GLIS3: variants seen among roughly 807,000 people sequenced by gnomAD.
GLIS3 encodes zinc finger protein GLIS3.
A neutral mutation model predicts 78.6 loss-of-function variants in GLIS3; 53 were observed. The observed-to-expected ratio is 0.67, with a 90% confidence interval of 0.54 to 0.85. The LOEUF (loss-of-function observed/expected upper bound fraction) is 0.85. Ranked by LOEUF, GLIS3 falls within the 40% of genes least tolerant of loss-of-function variation. The pLI is 0.00. For missense variants in GLIS3, 1,703 were observed against 1,231.1 expected (o/e 1.38, Z -5.74); for synonymous variants, 684 against 509.9 (o/e 1.34, Z -4.60).
intron 2 of GLIS3, among the ~76,000 whole-genome samples, chr9:4,214,423 G>C (rs183349392): frequency 6.6e-6 from 1 of 152,114 alleles, no homozygotes; most frequent in Non-Finnish European, 1.5e-5. Context: ...TATCTCCATC[G>C]GCACGTATGT....
chr9:4,226,441 A>C (rs1355386680), intron 2 of GLIS3, among the ~76,000 whole-genome samples: 1 of 152,172 alleles, frequency 6.6e-6, no homozygotes, highest in Non-Finnish European at 1.5e-5. Context: ...TGAAACTCAA[A>C]CAGAAAGACG....
the GLIS3 span, among the ~76,000 whole-genome samples, chr9:4,362,980 G>A: frequency 6.6e-6 from 1 of 152,056 alleles, no homozygotes; most frequent in Non-Finnish European, 1.5e-5. Context: ...GATAGAGGCA[G>A]AAGAAAAAGA....
At chr9:4,381,113 G>A in the GLIS3 span, among the ~76,000 whole-genome samples, 1 of 152,120 alleles carries the variant, frequency 6.6e-6, no homozygotes. Context: ...AGGAGAGGAA[G>A]AACCAAGTAA....
chr9:4,389,002 G>A, the GLIS3 span, among the ~76,000 whole-genome samples: 4 of 152,140 alleles, frequency 2.6e-5, no homozygotes, highest in South Asian at 2.1e-4. Context: ...GATTTTAAGG[G>A]GATTCTATAT....
chr9:4,344,601 T>C (rs1187355819), intron 2 of GLIS3, among the ~76,000 whole-genome samples: 1 of 152,222 alleles, frequency 6.6e-6, no homozygotes, highest in Non-Finnish European at 1.5e-5. Flanking sequence ...ATATCATCTA[T>C]GCTAATAACT....
intron 4 of GLIS3, among the ~76,000 whole-genome samples, chr9:4,034,051 A>G (rs762146044): frequency 6.6e-6 from 1 of 151,446 alleles, no homozygotes; most frequent in Non-Finnish European, 1.5e-5. Context: ...GTGAGACCCC[A>G]TTTCTATTAA....
At chr9:4,302,858 A>G (rs1480539941), upstream of GLIS3, among the ~76,000 whole-genome samples, 1 of 152,236 alleles carries the variant, frequency 6.6e-6, no homozygotes, top group Non-Finnish European at 1.5e-5. Context: ...AATTTCCTGC[A>G]ATGTGACATG....
chr9:3,909,333 C>T (rs1464911255), intron 6 of GLIS3, among the ~76,000 whole-genome samples: 1 of 152,202 alleles, frequency 6.6e-6, no homozygotes, highest in East Asian at 1.9e-4. Flanking sequence ...TTCCTTAGCA[C>T]TGACATGTAG....
intron 2 of GLIS3, among the ~76,000 whole-genome samples, chr9:4,237,481 C>G (rs1442039425): frequency 6.6e-6 from 1 of 152,166 alleles, no homozygotes; most frequent in Non-Finnish European, 1.5e-5. Flanking sequence ...GATGAAATCG[C>G]TACTTCAGGC....
chr9:3,854,703 ATTT>A lies in GLIS3; in HGVS notation c.2473+1303_2473+1305del, dbSNP rs34986459. ...AAGCGCCCGCCGTCACGCCTGGCTAATTTTTTTTTTTTTTGTATTTTTAGTAGA... is the reference window on the plus strand; with the variant it reads ...AAGCGCCCGCCGTCACGCCTGGCTAATTTTTTTTTTTGTATTTTTAGTAGA... On this transcript the variant is annotated intron_variant, in intron 9 of 10. Coordinates refer to ENST00000381971, the MANE Select transcript of GLIS3 (RefSeq NM_001042413.2). 4.3e-3 allele frequency among the ~76,000 whole-genome samples: 643 copies of A among 147,884 alleles called. 7 individuals carry two copies. Among genetic ancestry groups the A allele is most frequent in the African/African-American group, 0.014 (566 of 40,116 alleles).
chr9:4,210,616 A>G (rs1820292929), intron 2 of GLIS3, among the ~76,000 whole-genome samples: 1 of 152,256 alleles, frequency 6.6e-6, no homozygotes, highest in Non-Finnish European at 1.5e-5. Context: ...ACAATGCAGA[A>G]AACTTAAGTC....
At chr9:4,054,843 T>C (rs979952150) in intron 4 of GLIS3, among the ~76,000 whole-genome samples, 23 of 152,056 alleles carry the variant, frequency 1.5e-4, no homozygotes, top group Admixed American at 1.0e-3. Flanking sequence ...ATTTTGCCCC[T>C]TGAGATGCTT....
chr9:4,012,650 G>A (rs555153247), intron 4 of GLIS3, among the ~76,000 whole-genome samples: 1 of 151,998 alleles, frequency 6.6e-6, no homozygotes, highest in East Asian at 1.9e-4. Context: ...TCTTTTATGA[G>A]CTGCCAGGAA....
intron 2 of GLIS3, among the ~76,000 whole-genome samples, chr9:4,340,501 C>G (rs1563938949): frequency 6.6e-6 from 1 of 152,102 alleles, no homozygotes; most frequent in Non-Finnish European, 1.5e-5. Flanking sequence ...TCCTCCATCC[C>G]TGTTCTCCTT....
intron 2 of GLIS3, among the ~76,000 whole-genome samples, chr9:4,220,473 C>G (rs1587021807): frequency 6.6e-6 from 1 of 152,332 alleles, no homozygotes; most frequent in South Asian, 2.1e-4. Flanking sequence ...CAGCATTAGA[C>G]AGATTGATGC....
intron 2 of GLIS3, among the ~76,000 whole-genome samples, chr9:4,185,049 G>C (rs1369274675): frequency 6.6e-6 from 1 of 152,134 alleles, no homozygotes; most frequent in African/African-American, 2.4e-5. Flanking sequence ...TGTAACCTAA[G>C]ATTAGACCAT....
Position 4,286,127 on chromosome 9 carries a change from A to G in GLIS3, c.299T>C (p.Val100Ala). The G allele has an allele frequency of 6.2e-7, 1 of 1,613,648 alleles. No individual in the cohort carries two copies. Among genetic ancestry groups the G allele is most frequent in the Non-Finnish European group, 8.5e-7 (1 of 1,179,554 alleles). ...MLTNGKPRFQ[V>A]TQAGGMSGSH... ...CCCTGACATGCCTCCAGCCTGGGTG[A>G]CCTGGAATCGCGGCTTCCCATTGGT... The change falls in exon 2 of 11, where the codon GTC becomes GCC. Residue 100 changes from valine (V) to alanine (A), a missense_variant. Val to Ala is a moderately conservative substitution (Grantham distance 64). Transcript: ENST00000381971.
At chr9:3,903,416 A>T (rs188495487) in intron 6 of GLIS3, among the ~76,000 whole-genome samples, 1 of 152,340 alleles carries the variant, frequency 6.6e-6, no homozygotes, top group East Asian at 1.9e-4. Flanking sequence ...GAAACCACTG[A>T]TTGTCAATTC....
chr9:4,135,219 C>T (rs939793515), intron 2 of GLIS3, among the ~76,000 whole-genome samples: 3 of 152,062 alleles, frequency 2.0e-5, no homozygotes, highest in Non-Finnish European at 4.4e-5. Context: ...ATCTTTATTG[C>T]TATTTTAAAT....
Sources: gnomAD v4.1 joint callset for allele counts (sites outside exome capture counted in the v4.1 genomes callset) on GRCh38, gnomAD v4.1.1 for gene constraint, MANE v1.5 for transcripts, NCBI Gene and HGNC (gene_info 2026-07-23, HGNC 2026-07-21) for gene names.